Variants in PIKFYVE observed in about 807,000 individuals in gnomAD.
PIKFYVE encodes phosphoinositide kinase, FYVE-type zinc finger containing.
Under a neutral mutation model 257.9 loss-of-function variants are expected in PIKFYVE, and 122 were observed. The observed-to-expected ratio is 0.47, with a 90% CI of 0.41 to 0.55. The LOEUF (loss-of-function observed/expected upper bound fraction) is 0.55. PIKFYVE is among the 20% of genes least tolerant of loss of function. PIKFYVE has a pLI of 0.00. For synonymous variants in PIKFYVE, 892 were observed against 868.9 expected (o/e 1.03, Z -0.47); for missense variants, 2,160 against 2,536.6 (o/e 0.85, Z 3.19).
chr2:208,336,199 A>G lies in PIKFYVE; in HGVS notation c.4519A>G (p.Arg1507Gly). The G allele has an allele frequency of 6.2e-7, 1 of 1,614,052 alleles. No individual in the cohort carries two copies. ...TGAAGTGCTGCAAGCTTGGAATAAC[A>G]GGTGTGATTTTGCAGTCTGGTTTTC... ...LCEVLQAWNNRLQDLFQQEKG... is the reference protein window; with the variant it reads ...LCEVLQAWNNGLQDLFQQEKG... The change falls in exon 27 of 42, where the codon AGG becomes GGG. Residue 1507 changes from arginine (R) to glycine (G), a missense_variant and splice_region_variant. Coordinates refer to ENST00000264380, the MANE Select transcript of PIKFYVE (RefSeq NM_015040.4).
Position 208,281,202 on chromosome 2 carries a change from A to G in PIKFYVE, c.613+3494A>G, listed in dbSNP as rs377606708. Among the ~76,000 whole-genome samples, 16 of 152,290 alleles carry G rather than the reference A, an allele frequency of 1.1e-4. No homozygotes were observed. In the East Asian group the frequency reaches 2.7e-3, roughly 26 times the overall value. On this transcript the variant is annotated intron_variant, in intron 5 of 41. Coordinates refer to ENST00000264380, the MANE Select transcript of PIKFYVE (RefSeq NM_015040.4). ...CATTTCAATCTCCCCTAACCTTTGG[A>G]TGCCTTCTTCTATAATATAATAGGG...
chr2:208,305,681 C>A, intron 12 of PIKFYVE: 1 of 195,308 alleles, frequency 5.1e-6, no homozygotes, highest in African/African-American at 2.4e-5. Flanking sequence ...AACATAGCAG[C>A]ACATAAGAAA....
chr2:208,301,836 C>CAT (rs1023102324), intron 9 of PIKFYVE, among the ~76,000 whole-genome samples: 40 of 151,664 alleles, frequency 2.6e-4, no homozygotes, highest in Middle Eastern at 3.4e-3. Context: ...GTGTCTATTT[C>CAT]ATATATATAT....
At chr2:208,269,873 AG>A in intron 1 of PIKFYVE, 2 of 296,720 alleles carry the variant, frequency 6.7e-6, no homozygotes, top group Non-Finnish European at 1.4e-5. Flanking sequence ...TCTTGGCTGG[AG>A]GGGCCCATGC....
intron 5 of PIKFYVE, among the ~76,000 whole-genome samples, chr2:208,282,967 A>C (rs1362229418): frequency 6.6e-6 from 1 of 152,146 alleles, no homozygotes; most frequent in Admixed American, 6.5e-5. Flanking sequence ...ATAAGAATCT[A>C]ATGCCACCGC....
chr2:208,273,608 A>G lies in PIKFYVE; in HGVS notation c.197A>G (p.Glu66Gly), dbSNP rs778154146. 2 of 1,614,190 alleles carry G rather than the reference A, an allele frequency of 1.2e-6. No individual in the cohort carries two copies. The highest frequency in any genetic ancestry group is 4.5e-5 in the East Asian group (2 of 44,880). The stretch of plus-strand genomic sequence containing the variant: ...GAGAGAGCAGAAGGAGGCCAGGGAG[A>G]ACAGCAGCCTTTGAGTGGAAGTTGG... ...NKERAEGGQG[E>G]QQPLSGSWTS... The change falls in exon 3 of 42, where the codon GAA becomes GGA. Residue 66 changes from glutamate to glycine, a missense_variant. Coordinates refer to ENST00000264380, the MANE Select transcript of PIKFYVE (RefSeq NM_015040.4).
chr2:208,320,271 A>G lies in PIKFYVE; in HGVS notation c.2102A>G (p.Asn701Ser). 5 of 1,611,530 alleles carry G rather than the reference A, an allele frequency of 3.1e-6. No individual in the cohort carries two copies. Among genetic ancestry groups the G allele is most frequent in the Non-Finnish European group, 4.2e-6 (5 of 1,178,540 alleles). ...AHKKMSSCIKNPKILLLKCSI... is the reference protein window; with the variant it reads ...AHKKMSSCIKSPKILLLKCSI... ...TTGTAGATGAGTTCTTGTATTAAAA[A>G]CCCCAAAATTCTTCTGTTGAAGTGT... Residue 701 changes from asparagine (N) to serine (S), a missense_variant, in exon 17 of 42, where the codon AAC becomes AGC. By Grantham distance (46) the Asn-to-Ser change is conservative. Coordinates refer to ENST00000264380, the MANE Select transcript of PIKFYVE (RefSeq NM_015040.4).
In PIKFYVE at chr2:208,335,843, CTG is replaced by C. The variant is rs1273725999; in HGVS notation, c.4308_4309del (p.Asp1437TyrfsTer3). ...GATGAAAGACTTGCATCTTTGAAAA[CTG>C]ATACATTTAGTAAAACAAGAGAGGA... On this transcript the variant is annotated frameshift_variant, in exon 26 of 42. Coordinates refer to ENST00000264380, the MANE Select transcript of PIKFYVE (RefSeq NM_015040.4). LOFTEE classifies it high-confidence loss of function. The C allele has an allele frequency of 6.2e-7, 1 of 1,612,870 alleles. No homozygotes were observed. Among genetic ancestry groups the C allele is most frequent in the Non-Finnish European group, 8.5e-7 (1 of 1,179,418 alleles).
Position 208,273,653 on chromosome 2 carries a change from C to G in PIKFYVE, c.242C>G (p.Ser81Trp), listed in dbSNP as rs779528859. 13 of 1,613,962 alleles carry G rather than the reference C, an allele frequency of 8.1e-6. No homozygotes were observed. The highest frequency in any genetic ancestry group is 9.3e-6 in the Non-Finnish European group (11 of 1,180,024). The change falls in exon 3 of 42, where the codon TCG becomes TGG. Residue 81 changes from serine to tryptophan, a missense_variant. By Grantham distance (177) the Ser-to-Trp change is radical. Coordinates refer to ENST00000264380, the MANE Select transcript of PIKFYVE (RefSeq NM_015040.4). The stretch of plus-strand genomic sequence containing the variant: ...AGTTGGACCAGCCCTCAGCTCCCTT[C>G]GAGGACACAGTCTGTTAGGTCACCC... Reference protein sequence around the residue: ...SGSWTSPQLPSRTQSVRSPTP... With the variant: ...SGSWTSPQLPWRTQSVRSPTP...
At chr2:208,270,925 A>G (rs1019266713) in intron 1 of PIKFYVE, among the ~76,000 whole-genome samples, 2 of 151,690 alleles carry the variant, frequency 1.3e-5, no homozygotes, top group African/African-American at 4.8e-5. Context: ...AGTCCCAGCT[A>G]CTCAGGAGGC....
intron 39 of PIKFYVE, among the ~76,000 whole-genome samples, chr2:208,353,308 T>G (rs1466375188): frequency 1.3e-5 from 2 of 152,232 alleles, no homozygotes; most frequent in African/African-American, 4.8e-5. Context: ...TGTAATTGAT[T>G]TATATTCTGG....
At position 208,326,177 on chromosome 2, in the gene PIKFYVE, C is replaced by A; in HGVS notation, c.3366C>A (p.Ala1122=). Residue 1122 remains alanine, a synonymous_variant, in exon 20 of 42, where the codon GCC becomes GCA. Coordinates refer to ENST00000264380, the MANE Select transcript of PIKFYVE (RefSeq NM_015040.4). ...GLQGMNGSIQ[A]KSIQVLPSHE... ...AGGGCATGAATGGAAGTATTCAGGCCAAGTCTATTCAAGTCTTACCCTCAC... is the reference window on the plus strand; with the variant it reads ...AGGGCATGAATGGAAGTATTCAGGCAAAGTCTATTCAAGTCTTACCCTCAC... The A allele has an allele frequency of 6.2e-7, 1 of 1,610,730 alleles. No individual in the cohort carries two copies. The highest frequency in any genetic ancestry group is 8.5e-7 in the Non-Finnish European group (1 of 1,178,416).
intron 7 of PIKFYVE, among the ~76,000 whole-genome samples, chr2:208,295,883 G>A (rs1028784378): frequency 6.6e-6 from 1 of 152,100 alleles, no homozygotes; most frequent in Non-Finnish European, 1.5e-5. Context: ...GAAATGCAAT[G>A]TTATTATGTT....
Position 208,340,047 on chromosome 2 carries a change from G to A in PIKFYVE, c.4847G>A (p.Ser1616Asn), listed in dbSNP as rs1315840549. The part of the protein sequence containing the change: ...FDGHLLGSTD[S>N]QVKEKSTMKA... Reference sequence around the variant, plus strand: ...GGGCATTTGCTGGGATCCACAGACAGCCAAGTGAAGGAAAAGTCAACCATG... The same window carrying A: ...GGGCATTTGCTGGGATCCACAGACAACCAAGTGAAGGAAAAGTCAACCATG... Residue 1616 changes from serine to asparagine, a missense_variant, in exon 31 of 42, where the codon AGC (serine) becomes AAC (asparagine). By Grantham distance (46) the Ser-to-Asn change is conservative. This residue lies in a region of PIKFYVE where 699 missense variants were observed against 855.8 expected (regional missense o/e 0.82). Coordinates refer to ENST00000264380, the MANE Select transcript of PIKFYVE (RefSeq NM_015040.4). The A allele has an allele frequency of 1.2e-6, 2 of 1,613,950 alleles. No individual in the cohort carries two copies. Among genetic ancestry groups the A allele is most frequent in the South Asian group, 2.2e-5 (2 of 91,080 alleles).
intron 32 of PIKFYVE, 68 bp from the exon 33 acceptor site, chr2:208,345,043 A>C: frequency 1.6e-5 from 17 of 1,094,404 alleles, no homozygotes; most frequent in Non-Finnish European, 2.1e-5. Context: ...AACTTACTCT[A>C]AAGCTTATGA....
At chr2:208,318,397 G>A (rs1458028861) in intron 16 of PIKFYVE, among the ~76,000 whole-genome samples, 1 of 152,130 alleles carries the variant, frequency 6.6e-6, no homozygotes, top group Non-Finnish European at 1.5e-5. Context: ...GGAGTGGAGT[G>A]AGATAACCTG....
intron 41 of PIKFYVE, 106 bp from the exon 42 acceptor site, chr2:208,355,084 T>G: frequency 2.3e-6 from 2 of 855,588 alleles, no homozygotes; most frequent in Non-Finnish European, 3.9e-6. Flanking sequence ...TGCTTCTGCA[T>G]GTGTATCTTT....
intron 13 of PIKFYVE, among the ~76,000 whole-genome samples, chr2:208,313,048 G>A (rs944902413): frequency 7.2e-5 from 11 of 152,174 alleles, no homozygotes; most frequent in East Asian, 1.9e-4. Context: ...TAATTGAAAT[G>A]TGCAATTCTT....
intron 35 of PIKFYVE, among the ~76,000 whole-genome samples, chr2:208,349,595 T>C (rs1402210162): frequency 6.6e-6 from 1 of 151,238 alleles, no homozygotes; most frequent in East Asian, 1.9e-4. Flanking sequence ...AATTATGTTT[T>C]ATAAAATAAT....
Sources: allele counts gnomAD v4.1 joint callset (sites outside exome capture counted in the v4.1 genomes callset), GRCh38; gene constraint gnomAD v4.1.1; regional missense constraint gnomAD v4.1.1; transcripts MANE v1.5; gene names NCBI Gene and HGNC (gene_info 2026-07-23, HGNC 2026-07-21).